ERG: variants seen among roughly 807,000 people sequenced by gnomAD.
ERG encodes the protein transcriptional regulator ERG.
In ERG, 9 loss-of-function variants were observed where a neutral mutation model predicts 55.3. The observed-to-expected ratio is 0.16, with a 90% CI of 0.10 to 0.28. The LOEUF (loss-of-function observed/expected upper bound fraction) is 0.28, where lower values mean the gene tolerates loss of function less well. Ranked by LOEUF, ERG falls within the 10% of genes least tolerant of loss-of-function variation. ERG has a pLI of 1.00. For synonymous variants in ERG, 223 were observed against 237.3 expected (o/e 0.94, Z 0.55); for missense variants, 434 against 631.6 (o/e 0.69, Z 3.35).
intron 3 of ERG, among the ~76,000 whole-genome samples, chr21:38,412,285 T>A (rs1206264416): frequency 6.6e-6 from 1 of 152,206 alleles, no homozygotes; most frequent in Non-Finnish European, 1.5e-5. Context: ...ATCAGATTGA[T>A]CTACTTTTCT....
chr21:38,433,457 ATAT>A (rs1375022888), intron 2 of ERG, among the ~76,000 whole-genome samples: 1 of 152,238 alleles, frequency 6.6e-6, no homozygotes, highest in East Asian at 1.9e-4. Flanking sequence ...GTGGGGACTA[ATAT>A]TACTGAAAAA....
chr21:38,622,611 C>T (rs1267794829), intron 1 of ERG, among the ~76,000 whole-genome samples: 5 of 149,154 alleles, frequency 3.4e-5, no homozygotes, highest in South Asian at 2.2e-4. Flanking sequence ...CACACACACA[C>T]GTCACATACA....
Position 38,566,976 on chromosome 21 carries a change from T to C in ERG, c.-41+8686A>G, listed in dbSNP as rs147899841. Among the ~76,000 whole-genome samples, 5 of 152,280 alleles carry C rather than the reference T, an allele frequency of 3.3e-5. 1 individual carries two copies. Among genetic ancestry groups the C allele is most frequent in the African/African-American group, 1.2e-4 (5 of 41,534 alleles). On this transcript the variant is annotated intron_variant, in intron 2 of 8. Transcript: ENST00000398897. ...TCCACCCATTCTCCTGGGAAGTGAT[T>C]GTGAATCTCCTCCAAACCCCTCTTA...
intron 1 of ERG, among the ~76,000 whole-genome samples, chr21:38,660,306 C>T (rs1320732381): frequency 3.3e-5 from 5 of 152,208 alleles, no homozygotes; most frequent in African/African-American, 1.2e-4. Flanking sequence ...TCGGGGTGCC[C>T]CCTCCTCTCC....
chr21:38,566,535 G>A (rs945274779), intron 2 of ERG, among the ~76,000 whole-genome samples: 3 of 152,188 alleles, frequency 2.0e-5, no homozygotes, highest in Non-Finnish European at 4.4e-5. Context: ...TAAGGTGGAA[G>A]AAGCAACAAG....
In ERG at chr21:38,432,634, G is replaced by A. The variant is rs138817589; in HGVS notation, c.237-9073C>T. ...AACATGGTGCCTGGCACATGACCAC[G>A]CCAGGTGTCAGCTATTGCTGTTAGT... On this transcript the variant is annotated intron_variant, in intron 2 of 9. Coordinates refer to ENST00000288319, the MANE Select transcript of ERG (RefSeq NM_182918.4). Among the ~76,000 whole-genome samples, 589 of 152,272 alleles carry A rather than the reference G, an allele frequency of 3.9e-3. 6 individuals are homozygous for A. The highest frequency in any genetic ancestry group is 6.8e-3 in the Middle Eastern group (2 of 294).
chr21:38,409,276 G>C (rs1450391768), intron 3 of ERG, among the ~76,000 whole-genome samples: 1 of 152,028 alleles, frequency 6.6e-6, no homozygotes, highest in African/African-American at 2.4e-5. Context: ...CTGAGGTGAA[G>C]GGTTTGAGAC....
At chr21:38,487,115 C>T (rs909438490) in intron 1 of ERG, among the ~76,000 whole-genome samples, 1 of 125,958 alleles carries the variant, frequency 7.9e-6, no homozygotes, top group Non-Finnish European at 1.6e-5. Context: ...TCAGCCCTCA[C>T]TCCTCTTTTT....
chr21:38,429,746 T>TACAC lies in ERG; in HGVS notation c.237-6189_237-6186dup, dbSNP rs148029371. 5.6e-5 allele frequency among the ~76,000 whole-genome samples: 6 copies of TACAC among 107,924 alleles called. No individual in the cohort carries two copies. In the South Asian group the frequency reaches 8.6e-4, roughly 15 times the overall value. 70.8% of individuals were successfully genotyped at this position (107,924 alleles called of 152,430 possible). A position where few individuals can be genotyped will look rare whatever the true frequency, so the allele number is the denominator to read the frequency against. ...CTATATATATGTGTGTATATATATA[T>TACAC]ACACACACACACACACACCACATTT... On this transcript the variant is annotated intron_variant, in intron 2 of 9. Coordinates refer to ENST00000288319, the MANE Select transcript of ERG (RefSeq NM_182918.4).
chr21:38,515,912 G>C (rs1205596018), intron 2 of ERG, among the ~76,000 whole-genome samples: 1 of 151,786 alleles, frequency 6.6e-6, no homozygotes, highest in African/African-American at 2.4e-5. Flanking sequence ...TGCAGAAAAG[G>C]CATCTGATAA....
Position 38,561,140 on chromosome 21 carries a change from G to GT in ERG, c.-41+14521dup, listed in dbSNP as rs2059890431. On this transcript the variant is annotated intron_variant, in intron 2 of 8. Transcript: ENST00000398897. The stretch of plus-strand genomic sequence containing the variant: ...TTTAATTTCAGGTTTGAGGAATCAA[G>GT]TAACAGGTCTTTCTAAATCCTTTTA... Among the ~76,000 whole-genome samples the GT allele has an allele frequency of 2.6e-5, 4 of 152,054 alleles. 1 individual carries two copies. In the South Asian group the frequency reaches 8.3e-4, roughly 32 times the overall value.
chr21:38,455,308 A>AC (rs2058978006), intron 1 of ERG, among the ~76,000 whole-genome samples: 1 of 152,108 alleles, frequency 6.6e-6, no homozygotes, highest in African/African-American at 2.4e-5. Flanking sequence ...TAAGAGGTTC[A>AC]CACCATCATT....
intron 2 of ERG, among the ~76,000 whole-genome samples, chr21:38,569,403 AC>A (rs952203652): frequency 2.0e-5 from 3 of 152,226 alleles, no homozygotes; most frequent in African/African-American, 7.2e-5. Flanking sequence ...AGTAGCTCCC[AC>A]CTTTCCTTGC....
chr21:38,629,734 C>T (rs532366620), intron 1 of ERG, among the ~76,000 whole-genome samples: 2 of 152,252 alleles, frequency 1.3e-5, no homozygotes, highest in South Asian at 2.1e-4. Context: ...CCATGTGATC[C>T]AGCAATTATA....
At chr21:38,568,848 G>A (rs2059939383) in intron 2 of ERG, among the ~76,000 whole-genome samples, 1 of 152,168 alleles carries the variant, frequency 6.6e-6, no homozygotes, top group Non-Finnish European at 1.5e-5. Flanking sequence ...GCCTCATCAA[G>A]CACCCGAGGG....
At chr21:38,391,095 G>T in intron 8 of ERG, 53 bp from the exon 9 acceptor site, 1 of 1,438,684 alleles carries the variant, frequency 7.0e-7, no homozygotes, top group Non-Finnish European at 9.8e-7. Context: ...AACATAGTAT[G>T]ATGTGACTTC....
intron 1 of ERG, among the ~76,000 whole-genome samples, chr21:38,470,471 TA>T (rs2059129592): frequency 6.6e-6 from 1 of 152,204 alleles, no homozygotes; most frequent in Non-Finnish European, 1.5e-5. Flanking sequence ...GTTAAGCTAG[TA>T]AAAATTATTT....
upstream of ERG, among the ~76,000 whole-genome samples, chr21:38,501,320 G>A (rs2059419903): frequency 6.6e-6 from 1 of 151,876 alleles, no homozygotes; most frequent in African/African-American, 2.4e-5. Flanking sequence ...ACCCGCCTCA[G>A]CCTCCCAAAG....
At chr21:38,493,858 G>A (rs1274792078) in intron 1 of ERG, among the ~76,000 whole-genome samples, 1 of 152,216 alleles carries the variant, frequency 6.6e-6, no homozygotes, top group Non-Finnish European at 1.5e-5. Context: ...GCCTGGGTGT[G>A]GGAGGCCGCA....
Sources: allele counts gnomAD v4.1 joint callset (sites outside exome capture counted in the v4.1 genomes callset), GRCh38; gene constraint gnomAD v4.1.1; transcripts MANE v1.5; gene names NCBI Gene and HGNC (gene_info 2026-07-23, HGNC 2026-07-21).